The following SLC10A7 variants were observed in gnomAD, a reference collection of about 807,000 sequenced individuals.
SLC10A7 encodes the protein sodium/bile acid cotransporter 7.
In SLC10A7, 29 loss-of-function variants were observed where a neutral mutation model predicts 43.2. That is an observed-to-expected ratio of 0.67 (90% CI 0.50 to 0.92). The LOEUF (loss-of-function observed/expected upper bound fraction) is 0.92. Ranked by LOEUF, SLC10A7 falls within the 40% of genes least tolerant of loss-of-function variation. SLC10A7 has a pLI of 0.00. For synonymous variants in SLC10A7, 152 were observed against 144.8 expected (o/e 1.05, Z -0.35); for missense variants, 295 against 403.2 (o/e 0.73, Z 2.30).
At chr4:146,454,183 A>G (rs1407871258) in intron 4 of SLC10A7, among the ~76,000 whole-genome samples, 1 of 151,950 alleles carries the variant, frequency 6.6e-6, no homozygotes, top group African/African-American at 2.4e-5. Flanking sequence ...CAGGTTCACA[A>G]TAACAATACC....
chr4:146,429,888 A>G (rs1354990275), intron 5 of SLC10A7, among the ~76,000 whole-genome samples: 2 of 152,132 alleles, frequency 1.3e-5, no homozygotes, highest in South Asian at 4.1e-4. Context: ...AAAAATCCAT[A>G]AAGGAAAAAA....
chr4:146,381,523 C>G (rs2149791976), intron 5 of SLC10A7, among the ~76,000 whole-genome samples: 1 of 152,222 alleles, frequency 6.6e-6, no homozygotes, highest in Non-Finnish European at 1.5e-5. Flanking sequence ...GCAGATAACT[C>G]ATCCCAAATA....
chr4:146,275,425 G>A (rs1314015163), intron 10 of SLC10A7, among the ~76,000 whole-genome samples: 1 of 152,172 alleles, frequency 6.6e-6, no homozygotes, highest in Non-Finnish European at 1.5e-5. Flanking sequence ...TCTTTCTGCA[G>A]AACTCTCACT....
In SLC10A7 at chr4:146,434,616, T is replaced by C. The variant is rs537602704; in HGVS notation, c.435+8167A>G. ...TCTCGCTCTGTCGCCCAGGCTGGAGTGCAGTGGCACGATCTCTGCTCACTG... is the reference window on the plus strand; with the variant it reads ...TCTCGCTCTGTCGCCCAGGCTGGAGCGCAGTGGCACGATCTCTGCTCACTG... On this transcript the variant is annotated intron_variant, in intron 5 of 11. Coordinates refer to ENST00000335472, the MANE Select transcript of SLC10A7 (RefSeq NM_001029998.6). Among the ~76,000 whole-genome samples the C allele has an allele frequency of 1.4e-3, 207 of 152,318 alleles. 1 individual carries two copies. The highest frequency in any genetic ancestry group is 4.7e-3 in the African/African-American group (196 of 41,560).
At chr4:146,499,576 C>G (rs1736211332) in intron 4 of SLC10A7, among the ~76,000 whole-genome samples, 1 of 152,062 alleles carries the variant, frequency 6.6e-6, no homozygotes, top group Admixed American at 6.6e-5. Context: ...TCATTTTCTC[C>G]TACAATCTGG....
At chr4:146,305,828 C>G in intron 7 of SLC10A7, 98 bp downstream of exon 7, 1 of 1,010,946 alleles carries the variant, frequency 9.9e-7, no homozygotes, top group Non-Finnish European at 1.4e-6. Flanking sequence ...CATTTATCTC[C>G]TCCCTCTGAA....
At chr4:146,292,360 C>A (rs1730499362) in intron 9 of SLC10A7, among the ~76,000 whole-genome samples, 1 of 151,730 alleles carries the variant, frequency 6.6e-6, no homozygotes, top group African/African-American at 2.4e-5. Flanking sequence ...GCAACAAGAG[C>A]CTGAATTAAG....
At chr4:146,363,935 C>T (rs1487355876) in intron 5 of SLC10A7, among the ~76,000 whole-genome samples, 3 of 151,404 alleles carry the variant, frequency 2.0e-5, no homozygotes, top group African/African-American at 4.8e-5. Context: ...AACAATGAAT[C>T]GTAAAGAACT....
At chr4:146,289,238 G>A (rs747022870) in intron 9 of SLC10A7, among the ~76,000 whole-genome samples, 8 of 152,210 alleles carry the variant, frequency 5.3e-5, no homozygotes, top group Non-Finnish European at 8.8e-5. Flanking sequence ...AATGATCATC[G>A]CCATCTTCCT....
At chr4:146,357,276 A>G (rs997634143) in intron 5 of SLC10A7, among the ~76,000 whole-genome samples, 4 of 152,228 alleles carry the variant, frequency 2.6e-5, no homozygotes, top group Non-Finnish European at 5.9e-5. Context: ...AGTGGAAACA[A>G]GAGACTTACA....
At chr4:146,499,874 T>C (rs1428710739) in intron 4 of SLC10A7, among the ~76,000 whole-genome samples, 1 of 152,216 alleles carries the variant, frequency 6.6e-6, no homozygotes, top group East Asian at 1.9e-4. Context: ...AAGTAGACTT[T>C]AGAAGAATCT....
At chr4:146,510,714 T>C (rs1439478341) in intron 2 of SLC10A7, among the ~76,000 whole-genome samples, 1 of 152,208 alleles carries the variant, frequency 6.6e-6, no homozygotes, top group Non-Finnish European at 1.5e-5. Context: ...TATGTTTACC[T>C]ACATAAAATA....
chr4:146,308,646 A>G (rs1165733435), intron 6 of SLC10A7, among the ~76,000 whole-genome samples: 1 of 152,268 alleles, frequency 6.6e-6, no homozygotes, highest in Admixed American at 6.5e-5. Context: ...CCAGGTTCAG[A>G]AGGTTGTATC....
chr4:146,409,034 C>G (rs987812750), intron 5 of SLC10A7, among the ~76,000 whole-genome samples: 1 of 151,816 alleles, frequency 6.6e-6, no homozygotes, highest in Admixed American at 6.6e-5. Context: ...AACTCTGAAC[C>G]GAAAATGGGG....
At chr4:146,325,836 C>A in intron 6 of SLC10A7, 125 bp downstream of exon 6, 1 of 858,744 alleles carries the variant, frequency 1.2e-6, no homozygotes, top group South Asian at 1.6e-5. Flanking sequence ...TACAGCTAAA[C>A]TGGAACAACA....
At chr4:146,519,911 T>G (rs1738458008) in intron 1 of SLC10A7, among the ~76,000 whole-genome samples, 1 of 152,126 alleles carries the variant, frequency 6.6e-6, no homozygotes, top group African/African-American at 2.4e-5. Flanking sequence ...GAAGGACTAG[T>G]GGAAATGGGA....
At chr4:146,482,491 G>A (rs1257607140) in intron 4 of SLC10A7, among the ~76,000 whole-genome samples, 1 of 151,594 alleles carries the variant, frequency 6.6e-6, no homozygotes, top group Non-Finnish European at 1.5e-5. Flanking sequence ...ATGAAATATA[G>A]AGCCTCAATA....
At chr4:146,406,645 A>G (rs1727719476) in intron 5 of SLC10A7, among the ~76,000 whole-genome samples, 3 of 152,312 alleles carry the variant, frequency 2.0e-5, no homozygotes, top group South Asian at 4.1e-4. Context: ...GCCAACCACC[A>G]GCCATCTGCT....
intron 4 of SLC10A7, among the ~76,000 whole-genome samples, chr4:146,494,140 T>C (rs1735689859): frequency 6.6e-6 from 1 of 152,216 alleles, no homozygotes; most frequent in Non-Finnish European, 1.5e-5. Flanking sequence ...CACATATCAA[T>C]GCATGAGATC....
Sources: allele counts gnomAD v4.1 joint callset (sites outside exome capture counted in the v4.1 genomes callset), GRCh38; gene constraint gnomAD v4.1.1; transcripts MANE v1.5; gene names NCBI Gene and HGNC (gene_info 2026-07-23, HGNC 2026-07-21).